The following DPYD variants were observed in gnomAD, a reference collection of about 807,000 sequenced individuals.
DPYD encodes dihydropyrimidine dehydrogenase [NADP(+)].
DPYD carries 109 observed loss-of-function variants against 116.2 expected under a neutral mutation model. The ratio of observed to expected loss-of-function variants is 0.94; its 90% CI spans 0.80 to 1.10. The LOEUF is 1.10. DPYD is among the 50% of genes least tolerant of loss of function. The pLI is 0.00. For synonymous variants in DPYD, 440 were observed against 432.0 expected, an observed-to-expected ratio of 1.02 and a Z score of -0.23; for missense variants, 1,302 against 1,254.5, an observed-to-expected ratio of 1.04 and a Z score of -0.57.
At chr1:97,126,811 T>A (rs1478233161) in intron 20 of DPYD, among the ~76,000 whole-genome samples, 4 of 152,206 alleles carry the variant, frequency 2.6e-5, no homozygotes, top group Non-Finnish European at 5.9e-5. Context: ...CTTTTGCACA[T>A]GATTTCCACA....
chr1:97,223,869 GTTAT>G (rs1210992066), intron 19 of DPYD, among the ~76,000 whole-genome samples: 7 of 152,088 alleles, frequency 4.6e-5, no homozygotes, highest in East Asian at 1.9e-4. Flanking sequence ...TGAATTACTA[GTTAT>G]TTATTTATTT....
chr1:97,502,589 C>T (rs1038994337), intron 13 of DPYD, among the ~76,000 whole-genome samples: 6 of 151,936 alleles, frequency 3.9e-5, no homozygotes, highest in Non-Finnish European at 5.9e-5. Flanking sequence ...TCCACTCTGA[C>T]GGTGGTGTGG....
At chr1:97,250,814 G>A (rs951017987) in intron 18 of DPYD, among the ~76,000 whole-genome samples, 4 of 152,206 alleles carry the variant, frequency 2.6e-5, no homozygotes, top group Non-Finnish European at 5.9e-5. Flanking sequence ...ACTTTCTGGT[G>A]TGAAGGAAAT....
chr1:97,781,431 T>C (rs969852783), intron 3 of DPYD, among the ~76,000 whole-genome samples: 1 of 152,238 alleles, frequency 6.6e-6, no homozygotes, highest in Middle Eastern at 3.2e-3. Context: ...TCTACATATA[T>C]GCATCCATTG....
intron 8 of DPYD, among the ~76,000 whole-genome samples, chr1:97,613,012 A>C (rs1656046754): frequency 1.3e-5 from 2 of 152,060 alleles, no homozygotes; most frequent in African/African-American, 4.8e-5. Context: ...CATTTTTATT[A>C]CTACCCTAAA....
chr1:97,392,642 A>C (rs1446484278), intron 14 of DPYD, among the ~76,000 whole-genome samples: 2 of 151,972 alleles, frequency 1.3e-5, no homozygotes, highest in Admixed American at 6.6e-5. Context: ...AATATTCTAA[A>C]TCTTTTGTTT....
At chr1:97,905,599 T>C (rs545954384) in intron 1 of DPYD, among the ~76,000 whole-genome samples, 56 of 152,046 alleles carry the variant, frequency 3.7e-4, no homozygotes, top group Non-Finnish European at 5.3e-4. Context: ...AAACTGGTCA[T>C]TTGACATGAT....
At chr1:97,473,849 A>C (rs1006300462) in intron 13 of DPYD, among the ~76,000 whole-genome samples, 3 of 151,944 alleles carry the variant, frequency 2.0e-5, no homozygotes, top group Non-Finnish European at 2.9e-5. Context: ...TCTACAAAAA[A>C]CATAGAAAAA....
chr1:97,868,434 G>C (rs1290621523), intron 2 of DPYD, among the ~76,000 whole-genome samples: 1 of 151,650 alleles, frequency 6.6e-6, no homozygotes, highest in African/African-American at 2.4e-5. Context: ...AGAAATCAAA[G>C]CTAAATGATT....
At chr1:97,464,094 C>G (rs1380802384) in intron 13 of DPYD, among the ~76,000 whole-genome samples, 1 of 151,812 alleles carries the variant, frequency 6.6e-6, no homozygotes, top group African/African-American at 2.4e-5. Flanking sequence ...CAAAAAATAG[C>G]TGGATGTAGT....
chr1:97,407,093 T>G (rs572573292), intron 14 of DPYD, among the ~76,000 whole-genome samples: 2 of 152,288 alleles, frequency 1.3e-5, no homozygotes, highest in Admixed American at 1.3e-4. Flanking sequence ...TAACAAATAT[T>G]CATTTAATAA....
rs752625131 is a variant in DPYD, at chr1:97,480,719, G to A, written c.1741-30496C>T. ...AAAAAGGCTGGGCACGGTGGCTCAC[G>A]CCTGTAATCCCAGCACTTTGGGAGG... On this transcript the variant is annotated intron_variant, in intron 13 of 22. Coordinates refer to ENST00000370192, the MANE Select transcript of DPYD (RefSeq NM_000110.4). Among the ~76,000 whole-genome samples, 5 of 152,292 alleles carry A rather than the reference G, an allele frequency of 3.3e-5. No homozygotes were observed. The South Asian group carries it at 6.2e-4, about 19-fold the overall frequency.
chr1:97,831,190 T>C (rs377263659), intron 2 of DPYD, among the ~76,000 whole-genome samples: 1 of 152,178 alleles, frequency 6.6e-6, no homozygotes, highest in African/African-American at 2.4e-5. Flanking sequence ...AACAGACACA[T>C]GATTTGAATT....
At chr1:97,384,737 A>G (rs1212161520) in intron 14 of DPYD, among the ~76,000 whole-genome samples, 1 of 152,126 alleles carries the variant, frequency 6.6e-6, no homozygotes, top group African/African-American at 2.4e-5. Flanking sequence ...AGCAATTAAA[A>G]AGAAGGAAGC....
At chr1:97,518,186 TACAC>T (rs59460571) in intron 12 of DPYD, among the ~76,000 whole-genome samples, 1 of 150,868 alleles carries the variant, frequency 6.6e-6, no homozygotes, top group Non-Finnish European at 1.5e-5. Context: ...AATAATAAAA[TACAC>T]ACACACACAC....
At chr1:97,342,031 G>A (rs1669611828) in intron 16 of DPYD, among the ~76,000 whole-genome samples, 1 of 152,286 alleles carries the variant, frequency 6.6e-6, no homozygotes, top group East Asian at 1.9e-4. Flanking sequence ...CTAGTGAGAA[G>A]AAATAAACTG....
intron 14 of DPYD, among the ~76,000 whole-genome samples, chr1:97,392,250 A>G (rs539731453): frequency 5.8e-4 from 89 of 152,218 alleles, no homozygotes; most frequent in African/African-American, 2.0e-3. Context: ...TTGGTGAATC[A>G]TAATCTTTTT....
chr1:97,162,359 A>G (rs1655977716), intron 20 of DPYD, among the ~76,000 whole-genome samples: 1 of 152,202 alleles, frequency 6.6e-6, no homozygotes, highest in African/African-American at 2.4e-5. Context: ...GAGCCAAATC[A>G]TGAGTGAACT....
intron 3 of DPYD, among the ~76,000 whole-genome samples, chr1:97,777,960 C>T (rs558053530): frequency 6.6e-6 from 1 of 151,854 alleles, no homozygotes; most frequent in Admixed American, 6.6e-5. Context: ...GAGTTTGAGA[C>T]CAGCCTGGCC....
Sources: allele counts gnomAD v4.1 joint callset (sites outside exome capture counted in the v4.1 genomes callset), GRCh38; gene constraint gnomAD v4.1.1; transcripts MANE v1.5; gene names NCBI Gene and HGNC (gene_info 2026-07-23, HGNC 2026-07-21).